MTSS1: variants seen among roughly 807,000 people sequenced by gnomAD.
MTSS1 encodes the protein MTSS I-BAR domain containing 1.
MTSS1 carries 18 observed loss-of-function variants against 79.0 expected under a neutral mutation model. The observed-to-expected ratio is 0.23, with a 90% CI of 0.16 to 0.34. The LOEUF (loss-of-function observed/expected upper bound fraction) is 0.34. MTSS1 is among the 10% of genes least tolerant of loss of function. MTSS1 has a pLI of 1.00. For missense variants in MTSS1, 815 were observed against 986.2 expected (o/e 0.83, Z 2.33); for synonymous variants, 341 against 368.6 (o/e 0.93, Z 0.86).
At chr8:124,716,975 A>AG (rs1832098907) in intron 1 of MTSS1, among the ~76,000 whole-genome samples, 1 of 151,208 alleles carries the variant, frequency 6.6e-6, no homozygotes, top group Admixed American at 6.6e-5. Flanking sequence ...ACAAGGATGT[A>AG]CTTGTTGTAG....
chr8:124,708,951 A>G, intron 1 of MTSS1, among the ~76,000 whole-genome samples: 1 of 151,776 alleles, frequency 6.6e-6, no homozygotes. Flanking sequence ...AAAAAAAGTG[A>G]GTAAATGTCA....
At chr8:124,565,592 C>G in intron 9 of MTSS1, 70 bp downstream of exon 9, 1 of 1,316,718 alleles carries the variant, frequency 7.6e-7, no homozygotes, top group African/African-American at 1.5e-5. Flanking sequence ...AGGACTGGCT[C>G]CATTGCTCAC....
At chr8:124,697,822 C>T (rs942347419) in intron 3 of MTSS1, among the ~76,000 whole-genome samples, 1 of 151,840 alleles carries the variant, frequency 6.6e-6, no homozygotes, top group Non-Finnish European at 1.5e-5. Context: ...GGTTAAGATC[C>T]ACACCAAGCT....
At chr8:124,608,416 G>T (rs774208394) in intron 3 of MTSS1, among the ~76,000 whole-genome samples, 30 of 152,118 alleles carry the variant, frequency 2.0e-4, no homozygotes, top group Non-Finnish European at 3.7e-4. Context: ...TAACATCATG[G>T]CCTCGCCTCC....
In MTSS1 at chr8:124,555,897, T is replaced by G. The variant is rs1823578759; in HGVS notation, c.1412A>C (p.Glu471Ala). ...CAGCTCCTCACAAGCCTCCATCTCC[T>G]CACCAGGCTGCAGGTTGGAGGAGAG... Reference protein sequence around the residue: ...MTVSAATRPGEEMEACEELAL... With the variant: ...MTVSAATRPGAEMEACEELAL... Residue 471 changes from glutamate to alanine, a missense_variant, in exon 13 of 14, where the codon GAG (glutamate) becomes GCG (alanine). Around this residue, in one of 2 missense-constraint regions of MTSS1, gnomAD observed 590 missense variants for 620.8 expected, o/e 0.95. Coordinates refer to ENST00000518547, the MANE Select transcript of MTSS1 (RefSeq NM_014751.6). The G allele has an allele frequency of 6.2e-7, 1 of 1,607,398 alleles. No individual in the cohort carries two copies. Among genetic ancestry groups the G allele is most frequent in the Non-Finnish European group, 8.5e-7 (1 of 1,179,846 alleles).
chr8:124,727,301 A>C lies in MTSS1; in HGVS notation c.72+583T>G, dbSNP rs1254019861. Among the ~76,000 whole-genome samples, 1 of 152,214 alleles carries C rather than the reference A, an allele frequency of 6.6e-6. No individual in the cohort carries two copies. On this transcript the variant is annotated intron_variant, in intron 1 of 13. Transcript: ENST00000518547. The surrounding 1 kb of genome is among the most constrained non-coding windows in gnomAD (Gnocchi z 4.7). ...GGCCCCGCGCCCCGCGGGAGGGCTA[A>C]GAGAGGGCACGCACACCTTTACCAG...
intron 1 of MTSS1, among the ~76,000 whole-genome samples, chr8:124,715,530 C>T (rs1352876682): frequency 2.6e-5 from 4 of 152,100 alleles, no homozygotes; most frequent in African/African-American, 4.8e-5. Flanking sequence ...CCATCTTCCA[C>T]GAAGCAGATT....
intron 3 of MTSS1, among the ~76,000 whole-genome samples, chr8:124,667,885 C>A (rs76829515): frequency 3.3e-5 from 5 of 151,968 alleles, no homozygotes; most frequent in Admixed American, 6.6e-5. Context: ...CAAGACCAGC[C>A]TGGGCAATAT....
At chr8:124,605,611 G>T (rs62530667) in intron 3 of MTSS1, among the ~76,000 whole-genome samples, 18,438 of 105,980 alleles carry the variant, frequency 0.17, 1,575 homozygotes, top group African/African-American at 0.32. Flanking sequence ...CCCTGCCCTC[G>T]CGCTGCCTCC....
At chr8:124,581,868 C>A (rs1830108727) in intron 6 of MTSS1, among the ~76,000 whole-genome samples, 1 of 152,216 alleles carries the variant, frequency 6.6e-6, no homozygotes, top group South Asian at 2.1e-4. Flanking sequence ...AAACGCCTCT[C>A]ATTTCTGATG....
chr8:124,665,734 G>A (rs564244074), intron 3 of MTSS1, among the ~76,000 whole-genome samples: 35 of 152,324 alleles, frequency 2.3e-4, no homozygotes, highest in African/African-American at 8.4e-4. Flanking sequence ...AGGCGTGGTG[G>A]CGCATGCCTG....
At chr8:124,573,475 G>T (rs1461278164) in intron 6 of MTSS1, among the ~76,000 whole-genome samples, 5 of 152,230 alleles carry the variant, frequency 3.3e-5, no homozygotes, top group Non-Finnish European at 1.5e-5. Context: ...CCTAGTCAGG[G>T]GGCAGTCCCA....
At chr8:124,633,032 G>A (rs547119812) in intron 3 of MTSS1, among the ~76,000 whole-genome samples, 12 of 151,912 alleles carry the variant, frequency 7.9e-5, no homozygotes, top group Non-Finnish European at 1.6e-4. Context: ...AAGGTGGCGC[G>A]GGGCATGGTA....
intron 2 of MTSS1, among the ~76,000 whole-genome samples, chr8:124,701,156 G>T (rs1829641842): frequency 6.6e-6 from 1 of 152,146 alleles, no homozygotes; most frequent in Non-Finnish European, 1.5e-5. Context: ...ATGACCACTT[G>T]AGCCCAGGAG....
At chr8:124,621,824 C>T (rs527339016) in intron 3 of MTSS1, among the ~76,000 whole-genome samples, 2 of 152,294 alleles carry the variant, frequency 1.3e-5, no homozygotes, top group East Asian at 1.9e-4. Context: ...GCTGGGATTA[C>T]AGGCGTGATC....
In MTSS1 at chr8:124,553,805, C is replaced by G; in HGVS notation, c.1568-113G>C. Reference sequence around the variant, plus strand: ...GCAGGGTACACACACAGTCTCATCCCAAGCTTCCCCCAGGCTTCTCTACCA... The same window carrying G: ...GCAGGGTACACACACAGTCTCATCCGAAGCTTCCCCCAGGCTTCTCTACCA... On this transcript the variant is annotated intron_variant, in intron 13 of 13. Transcript: ENST00000518547. This position sits in a 1 kb window ranked among gnomAD's most constrained non-coding sequence, Gnocchi z 6.0. 1 of 901,952 alleles carries G rather than the reference C, an allele frequency of 1.1e-6. No individual in the cohort carries two copies. The highest frequency in any genetic ancestry group is 2.6e-5 in the East Asian group (1 of 37,768). The allele number at this position is 901,952 out of a possible 1,614,324, so 55.9% of individuals were successfully genotyped here. A position where few individuals can be genotyped will look rare whatever the true frequency, so the allele number is the denominator to read the frequency against.
At chr8:124,567,331 A>G (rs531909910) in intron 7 of MTSS1, among the ~76,000 whole-genome samples, 153 bp from the exon 8 acceptor site, 2 of 152,284 alleles carry the variant, frequency 1.3e-5, no homozygotes, top group Non-Finnish European at 2.9e-5. Flanking sequence ...AAGGCACTAC[A>G]TGCCTTTTCT....
chr8:124,555,462 A>G lies in MTSS1; in HGVS notation c.1567+280T>C, dbSNP rs145496953. ...GGGGTTTCACCATGTTAGCCAGGAT[A>G]GTCTCGATCTCCTGACCTCGTGATC... On this transcript the variant is annotated intron_variant, in intron 13 of 13. Coordinates refer to ENST00000518547, the MANE Select transcript of MTSS1 (RefSeq NM_014751.6). Among the ~76,000 whole-genome samples the G allele has an allele frequency of 9.0e-3, 1,372 of 152,106 alleles. 23 individuals are homozygous for G. The highest frequency in any genetic ancestry group is 0.03 in the African/African-American group (1,258 of 41,512).
intron 3 of MTSS1, among the ~76,000 whole-genome samples, chr8:124,636,595 T>C (rs1817040825): frequency 1.3e-5 from 2 of 151,740 alleles, no homozygotes; most frequent in Admixed American, 6.6e-5. Context: ...GTGGGTTTAT[T>C]TGCCTGACTG....
Sources: allele counts gnomAD v4.1 joint callset (sites outside exome capture counted in the v4.1 genomes callset), GRCh38; gene constraint gnomAD v4.1.1; regional missense constraint gnomAD v4.1.1; non-coding constraint Gnocchi (gnomAD v3.1); transcripts MANE v1.5; gene names NCBI Gene and HGNC (gene_info 2026-07-23, HGNC 2026-07-21).